Variants in SPDYA observed in about 807,000 individuals in gnomAD.
SPDYA encodes speedy protein A.
In SPDYA, 11 loss-of-function variants were observed where a neutral mutation model predicts 36.7. The observed-to-expected ratio is 0.30, with a 90% CI of 0.19 to 0.50. The LOEUF is 0.50. Among genes scored for constraint, SPDYA ranks in the 20% least tolerant of loss-of-function variants. SPDYA has a pLI of 0.98. For missense variants in SPDYA, 287 were observed against 370.9 expected (o/e 0.77, Z 1.86); for synonymous variants, 115 against 118.7 (o/e 0.97, Z 0.20).
chr2:28,828,556 T>G (rs1316846736), intron 5 of SPDYA, among the ~76,000 whole-genome samples: 1 of 152,214 alleles, frequency 6.6e-6, no homozygotes, highest in Non-Finnish European at 1.5e-5. Flanking sequence ...CAGTTTGGGG[T>G]TGATTTTGAT....
chr2:28,826,707 C>G (rs1476729125), intron 5 of SPDYA, among the ~76,000 whole-genome samples: 1 of 145,478 alleles, frequency 6.9e-6, no homozygotes, highest in African/African-American at 2.6e-5. Context: ...CTCCACCTCC[C>G]TGGATCAAGG....
At chr2:28,815,760 G>T (rs1310549621) in intron 2 of SPDYA, among the ~76,000 whole-genome samples, 1 of 152,066 alleles carries the variant, frequency 6.6e-6, no homozygotes, top group Non-Finnish European at 1.5e-5. Context: ...AAGCAAAATG[G>T]CATACAGTAT....
chr2:28,812,751 G>T (rs1452716872), intron 1 of SPDYA, among the ~76,000 whole-genome samples: 1 of 151,122 alleles, frequency 6.6e-6, no homozygotes, highest in Non-Finnish European at 1.5e-5. Flanking sequence ...CAACTACTCA[G>T]GAGGCTGAGG....
At chr2:28,818,448 A>G (rs1427204595) in intron 3 of SPDYA, among the ~76,000 whole-genome samples, 1 of 149,254 alleles carries the variant, frequency 6.7e-6, no homozygotes, top group African/African-American at 2.5e-5. Context: ...TTTAAAAAAA[A>G]AAAAAAAAAA....
At chr2:28,841,860 C>T (rs1015105147) in intron 7 of SPDYA, among the ~76,000 whole-genome samples, 19 of 152,116 alleles carry the variant, frequency 1.2e-4, no homozygotes, top group African/African-American at 4.3e-4. Context: ...AGCAAGACCC[C>T]ATCTATTTAA....
intron 7 of SPDYA, among the ~76,000 whole-genome samples, chr2:28,841,856 A>AC (rs1668759141): frequency 6.6e-6 from 1 of 152,044 alleles, no homozygotes; most frequent in South Asian, 2.1e-4. Context: ...ACATAGCAAG[A>AC]CCCCATCTAT....
In SPDYA at chr2:28,827,234, C is replaced by T. The variant is rs187161835; in HGVS notation, c.381-1914C>T. On this transcript the variant is annotated intron_variant, in intron 5 of 7. Coordinates refer to ENST00000334056, the MANE Select transcript of SPDYA (RefSeq NM_182756.4). ...GGATTACAGGCGTGAGCCACCGAGCCGGGCCAATCTTTGCTATTTTCTATC... is the reference window on the plus strand; with the variant it reads ...GGATTACAGGCGTGAGCCACCGAGCTGGGCCAATCTTTGCTATTTTCTATC... Among the ~76,000 whole-genome samples the T allele has an allele frequency of 3.7e-3, 567 of 152,224 alleles. 4 individuals carry two copies. Among genetic ancestry groups the T allele is most frequent in the African/African-American group, 0.012 (508 of 41,528 alleles).
intron 2 of SPDYA, 33 bp from the exon 3 acceptor site, chr2:28,815,964 T>C: frequency 2.2e-6 from 3 of 1,368,986 alleles, no homozygotes; most frequent in Non-Finnish European, 3.1e-6. Context: ...AATGAATGTG[T>C]GTGATGAATA....
At chr2:28,829,369 C>A in intron 6 of SPDYA, 50 bp downstream of exon 6, 1 of 1,496,028 alleles carries the variant, frequency 6.7e-7, no homozygotes, top group South Asian at 1.3e-5. Flanking sequence ...TTCTGTTTAT[C>A]TTATTATCCT....
intron 7 of SPDYA, among the ~76,000 whole-genome samples, chr2:28,849,169 AG>A (rs1305603522): frequency 2.0e-5 from 3 of 152,344 alleles, no homozygotes; most frequent in Admixed American, 6.5e-5. Context: ...AGTTGTCCAT[AG>A]TAAGTGAAAA....
intron 3 of SPDYA, among the ~76,000 whole-genome samples, chr2:28,817,920 G>A (rs2148076634): frequency 6.6e-6 from 1 of 150,564 alleles, no homozygotes; most frequent in East Asian, 2.0e-4. Context: ...TAGCACTTTG[G>A]GAGGCCAAGG....
intron 5 of SPDYA, among the ~76,000 whole-genome samples, chr2:28,825,196 C>G (rs529914903): frequency 6.6e-6 from 1 of 151,728 alleles, no homozygotes; most frequent in African/African-American, 2.4e-5. Context: ...GTTTATATAT[C>G]TCAGTATTGT....
At position 28,829,247 on chromosome 2, in the gene SPDYA, CTTAAAG is replaced by C. The variant is rs1278366649; in HGVS notation, c.485_490del (p.Lys162_Leu163del). ...ACTGGAGAAAATTGTTCCCTAATTT[CTTAAAG>C]TTAAGGGACCAGCTCTGGGATAGAA... On this transcript the variant is annotated inframe_deletion, in exon 6 of 8. Transcript: ENST00000334056. 1 of 1,613,886 alleles carries C rather than the reference CTTAAAG, an allele frequency of 6.2e-7. No homozygotes were observed. The highest frequency in any genetic ancestry group is 8.5e-7 in the Non-Finnish European group (1 of 1,179,984).
At chr2:28,826,611 C>CTCTTTTTTTT (rs1553315436) in intron 5 of SPDYA, among the ~76,000 whole-genome samples, 2 of 75,330 alleles carry the variant, frequency 2.7e-5, no homozygotes, top group African/African-American at 1.2e-4. Flanking sequence ...TTCTTTCTCT[C>CTCTTTTTTTT]TTTTTTTTTT....
intron 6 of SPDYA, among the ~76,000 whole-genome samples, chr2:28,839,309 T>C (rs1298532257): frequency 6.6e-6 from 1 of 152,198 alleles, no homozygotes; most frequent in Non-Finnish European, 1.5e-5. Flanking sequence ...TAGTGAGGCT[T>C]TATAAATAAT....
chr2:28,842,254 TA>T (rs1423516975), intron 7 of SPDYA: 1 of 152,206 alleles, frequency 6.6e-6, no homozygotes, highest in Admixed American at 6.5e-5. Flanking sequence ...GCGAAAGCAT[TA>T]AGATCTAAGT....
intron 6 of SPDYA, among the ~76,000 whole-genome samples, chr2:28,838,303 T>A (rs1355036989): frequency 6.6e-6 from 1 of 150,598 alleles, no homozygotes; most frequent in Non-Finnish European, 1.5e-5. Context: ...TGCCTTAGCC[T>A]CCCAAGTAGC....
intron 7 of SPDYA, among the ~76,000 whole-genome samples, chr2:28,847,754 AAAAGAAAAAG>A (rs1288556115): frequency 7.5e-6 from 1 of 134,006 alleles, no homozygotes; most frequent in East Asian, 2.2e-4. Context: ...TCAAAAAAAA[AAAAGAAAAAG>A]AAAAAGAAAA....
In SPDYA at chr2:28,816,126, A is replaced by G; in HGVS notation, c.112A>G (p.Ile38Val). The G allele has an allele frequency of 6.2e-7, 1 of 1,614,052 alleles. No homozygotes were observed. Among genetic ancestry groups the G allele is most frequent in the Non-Finnish European group, 8.5e-7 (1 of 1,179,978 alleles). The change falls in exon 3 of 8, where the codon ATT becomes GTT. Residue 38 changes from isoleucine to valine, a missense_variant. Coordinates refer to ENST00000334056, the MANE Select transcript of SPDYA (RefSeq NM_182756.4). ...AAAGCCCATTACTCTGAAGCGTCCT[A>G]TTTGTAAAGATAATTGGCAAGCATT... is the stretch of plus-strand genomic sequence containing the variant. ...PKKPITLKRP[I>V]CKDNWQAFEK... is the part of the protein sequence containing the mutation.
Sources: gnomAD v4.1 joint callset for allele counts (sites outside exome capture counted in the v4.1 genomes callset) on GRCh38, gnomAD v4.1.1 for gene constraint, MANE v1.5 for transcripts, NCBI Gene and HGNC (gene_info 2026-07-23, HGNC 2026-07-21) for gene names.